Variants in ATP7A observed in about 807,000 individuals in gnomAD.
The protein encoded by ATP7A is ATPase copper transporting alpha.
In ATP7A, 7 loss-of-function variants were observed where a neutral mutation model predicts 83.5. That is an observed-to-expected ratio of 0.08 (90% CI 0.05 to 0.16). The LOEUF is 0.16. Among genes scored for constraint, ATP7A ranks in the 10% least tolerant of loss-of-function variants. The pLI is 1.00. For missense variants in ATP7A, 940 were observed against 1,120.8 expected, an observed-to-expected ratio of 0.84 and a Z score of 2.30; for synonymous variants, 354 against 395.2, an observed-to-expected ratio of 0.90 and a Z score of 1.24.
intron 14 of ATP7A, among the ~76,000 whole-genome samples, chrX:78,023,896 T>C (rs1356655454): frequency 8.9e-6 from 1 of 111,888 alleles, no homozygotes; most frequent in Non-Finnish European, 1.9e-5. Flanking sequence ...GAAGAGTTTT[T>C]CCCAGGTTTT....
chrX:77,929,534 CT>C (rs782599605), intron 1 of ATP7A, among the ~76,000 whole-genome samples: 1 of 111,444 alleles, frequency 9.0e-6, no homozygotes, highest in Admixed American at 9.5e-5. Context: ...TGAATCTTCT[CT>C]AGAAGGAGAA....
intron 1 of ATP7A, among the ~76,000 whole-genome samples, chrX:77,911,551 G>A (rs1255149795): frequency 3.7e-5 from 4 of 108,616 alleles, no homozygotes; most frequent in African/African-American, 1.4e-4. Context: ...ATGATACTGA[G>A]GTTATTAATT....
chrX:78,034,330 C>G, intron 17 of ATP7A, among the ~76,000 whole-genome samples: 1 of 111,485 alleles, frequency 9.0e-6, no homozygotes, highest in African/African-American at 3.3e-5. Context: ...CTTTATTTTT[C>G]ATCTCTTTCT....
chrX:77,957,445 T>G (rs2077451618), intron 1 of ATP7A, among the ~76,000 whole-genome samples: 1 of 108,780 alleles, frequency 9.2e-6, no homozygotes, highest in Non-Finnish European at 1.9e-5. Flanking sequence ...ATAAAGAACT[T>G]AATGACCACA....
rs370970127 is a variant in ATP7A, at chrX:77,961,094, G to GA, written c.-21-10518dup. 5.5e-4 allele frequency among the ~76,000 whole-genome samples: 58 copies of GA among 106,283 alleles called. 1 individual carries two copies. In the South Asian group the frequency reaches 9.6e-3, roughly 18 times the overall value. The allele number at this position is 106,283 out of a possible 115,157, so 92.3% of individuals were successfully genotyped here. On this transcript the variant is annotated intron_variant, in intron 1 of 22. Coordinates refer to ENST00000341514, the MANE Select transcript of ATP7A (RefSeq NM_000052.7). ...TAAAGTCCAATTTAAGTAGAGTTTT[G>GA]AAAAAAAAACAATGCAGGTGAATTA...
chrX:78,025,784 G>A (rs191210829), intron 14 of ATP7A, among the ~76,000 whole-genome samples: 1 of 110,429 alleles, frequency 9.1e-6, no homozygotes, highest in East Asian at 2.8e-4. Context: ...CCTATTTTTA[G>A]TTTCCCTAAA....
intron 15 of ATP7A, among the ~76,000 whole-genome samples, chrX:78,030,400 C>T (rs1332600422): frequency 1.0e-4 from 11 of 105,788 alleles, no homozygotes; most frequent in Admixed American, 9.2e-4. Flanking sequence ...CCAGCTTGGG[C>T]GACTGAGCAA....
intron 4 of ATP7A, among the ~76,000 whole-genome samples, chrX:77,993,731 G>A (rs979444397): frequency 2.7e-5 from 3 of 111,203 alleles, no homozygotes; most frequent in Non-Finnish European, 5.7e-5. Flanking sequence ...AGGACATTTG[G>A]TGTTCCATCT....
At chrX:78,031,717 T>A in intron 16 of ATP7A, 135 bp downstream of exon 16, 1 of 675,633 alleles carries the variant, frequency 1.5e-6, no homozygotes, top group Non-Finnish European at 2.3e-6. Context: ...TTTTCTCATT[T>A]AATTGTATGT....
intron 1 of ATP7A, among the ~76,000 whole-genome samples, chrX:77,935,090 A>G (rs2077312992): frequency 9.0e-6 from 1 of 110,997 alleles, no homozygotes; most frequent in African/African-American, 3.3e-5. Context: ...GATTACAGGC[A>G]TGAGCCACCA....
At chrX:77,914,469 G>A (rs782357485) in intron 1 of ATP7A, among the ~76,000 whole-genome samples, 8 of 110,513 alleles carry the variant, frequency 7.2e-5, no homozygotes, top group African/African-American at 2.3e-4. Flanking sequence ...GTGCTATCTC[G>A]GCTCACTGCA....
chrX:78,034,903 T>A (rs1282472665), intron 17 of ATP7A, among the ~76,000 whole-genome samples: 2 of 110,265 alleles, frequency 1.8e-5, no homozygotes, highest in African/African-American at 6.6e-5. Context: ...CAGCCATGCC[T>A]GGCTAATTTT....
chrX:78,039,589 C>T (rs1201375265), intron 18 of ATP7A, among the ~76,000 whole-genome samples: 1 of 112,017 alleles, frequency 8.9e-6, no homozygotes, highest in African/African-American at 3.2e-5. Flanking sequence ...CCACTTCGGC[C>T]TCCCAAAGTG....
intron 4 of ATP7A, among the ~76,000 whole-genome samples, chrX:77,994,408 G>A (rs1420006667): frequency 9.0e-6 from 1 of 111,715 alleles, no homozygotes; most frequent in African/African-American, 3.3e-5. Flanking sequence ...ACAAATGTGA[G>A]CAGAGTAAAA....
rs193120410 is a variant in ATP7A at position 77,978,975 on chromosome X, G to T, written c.120+7214G>T. Among the ~76,000 whole-genome samples the T allele has an allele frequency of 5.8e-3, 644 of 110,570 alleles. 3 individuals carry two copies. Among genetic ancestry groups the T allele is most frequent in the African/African-American group, 0.02 (605 of 30,455 alleles). ...GCCTCCCGAGTAGCTGGCATTACAG[G>T]CACGTGGCATCATGCCCGGCTAATT... is the stretch of plus-strand genomic sequence containing the variant. On this transcript the variant is annotated intron_variant, in intron 2 of 22. Transcript: ENST00000341514.
intron 1 of ATP7A, among the ~76,000 whole-genome samples, chrX:77,955,288 T>C (rs1400713275): frequency 8.9e-6 from 1 of 112,014 alleles, no homozygotes; most frequent in Non-Finnish European, 1.9e-5. Context: ...TTTATTTTAT[T>C]TTTTATTCAT....
chrX:78,013,913 G>T (rs1415640239), intron 10 of ATP7A, among the ~76,000 whole-genome samples: 1 of 110,862 alleles, frequency 9.0e-6, no homozygotes, highest in Non-Finnish European at 1.9e-5. Context: ...GACATTAAAT[G>T]GTATTACAGG....
intron 9 of ATP7A, among the ~76,000 whole-genome samples, 181 bp from the exon 10 acceptor site, chrX:78,012,698 C>T (rs974573157): frequency 1.1e-4 from 12 of 110,519 alleles, no homozygotes; most frequent in Admixed American, 9.7e-5. Context: ...AATTTGAATA[C>T]CTCCCTCTGC....
chrX:77,919,179 A>G (rs1350581886), intron 1 of ATP7A, among the ~76,000 whole-genome samples: 11 of 112,113 alleles, frequency 9.8e-5, no homozygotes, highest in Admixed American at 7.6e-4. Context: ...CTGAATTCCA[A>G]TCAGATGTCT....
Sources: gnomAD v4.1 joint callset for allele counts (sites outside exome capture counted in the v4.1 genomes callset) on GRCh38, gnomAD v4.1.1 for gene constraint, MANE v1.5 for transcripts, NCBI Gene and HGNC (gene_info 2026-07-23, HGNC 2026-07-21) for gene names.